Variants in SOX6 observed in about 807,000 individuals in gnomAD.
SOX6 encodes SRY-box transcription factor 6.
Under a neutral mutation model 97.8 loss-of-function variants are expected in SOX6, and 11 were observed. The observed-to-expected ratio is 0.11, with a 90% CI of 0.07 to 0.19. The LOEUF (loss-of-function observed/expected upper bound fraction) is 0.19, where lower values mean the gene tolerates loss of function less well. Among genes scored for constraint, SOX6 ranks in the 10% least tolerant of loss-of-function variants. The pLI is 1.00. For synonymous variants in SOX6, 360 were observed against 371.4 expected (o/e 0.97, Z 0.35); for missense variants, 810 against 1,039.5 (o/e 0.78, Z 3.04).
chr11:16,523,577 A>G (rs931372593), intron 4 of SOX6, among the ~76,000 whole-genome samples: 22 of 152,236 alleles, frequency 1.4e-4, no homozygotes, highest in Non-Finnish European at 2.5e-4. Flanking sequence ...AAAGAACTAG[A>G]AAAGCAAGAG....
intron 2 of SOX6, among the ~76,000 whole-genome samples, chr11:16,319,481 T>C (rs2134303700): frequency 6.6e-6 from 1 of 152,062 alleles, no homozygotes; most frequent in East Asian, 1.9e-4. Flanking sequence ...GTCATTTACA[T>C]TGGGTATATC....
At chr11:16,137,387 C>T (rs1374106885) in intron 6 of SOX6, among the ~76,000 whole-genome samples, 1 of 152,236 alleles carries the variant, frequency 6.6e-6, no homozygotes, top group Admixed American at 6.5e-5. Context: ...GATCACACCA[C>T]TGCACTCTAG....
Position 16,222,915 on chromosome 11 carries a change from AAT to A in SOX6, c.535+11665_535+11666del, listed in dbSNP as rs1324353129. Among the ~76,000 whole-genome samples, 10 of 152,206 alleles carry A rather than the reference AAT, an allele frequency of 6.6e-5. No homozygotes were observed. The East Asian group carries it at 1.9e-3, about 29-fold the overall frequency. ...TTTATTATTCAGTCTTTTTTAAAAT[AAT>A]ATTTTTTATTCAAAAAGCAATGCAT... is the stretch of plus-strand genomic sequence containing the variant. On this transcript the variant is annotated intron_variant, in intron 4 of 15. Coordinates refer to ENST00000683767, the MANE Select transcript of SOX6 (RefSeq NM_001367873.1).
At chr11:16,293,660 T>C (rs1438937237) in intron 3 of SOX6, among the ~76,000 whole-genome samples, 3 of 152,024 alleles carry the variant, frequency 2.0e-5, no homozygotes, top group Non-Finnish European at 4.4e-5. Flanking sequence ...AGTTAGAGAA[T>C]TGTATTACAA....
intron 9 of SOX6, among the ~76,000 whole-genome samples, chr11:16,066,411 AAAAG>A (rs1409984674): frequency 6.6e-6 from 1 of 152,174 alleles, no homozygotes; most frequent in Non-Finnish European, 1.5e-5. Context: ...GTATATGCCT[AAAAG>A]AAAGGAAATC....
At chr11:16,205,051 T>C (rs1198468812) in intron 4 of SOX6, among the ~76,000 whole-genome samples, 1 of 152,150 alleles carries the variant, frequency 6.6e-6, no homozygotes, top group Non-Finnish European at 1.5e-5. Flanking sequence ...AGAAGCAACA[T>C]TGGTTCTTAA....
chr11:16,349,185 A>G (rs1296889013), intron 1 of SOX6, among the ~76,000 whole-genome samples: 3 of 152,236 alleles, frequency 2.0e-5, no homozygotes, highest in African/African-American at 4.8e-5. Context: ...AAGTGATTTT[A>G]TTTCATAACT....
chr11:16,628,944 T>C (rs925662037), intron 3 of SOX6, among the ~76,000 whole-genome samples: 3 of 152,198 alleles, frequency 2.0e-5, no homozygotes, highest in Non-Finnish European at 4.4e-5. Flanking sequence ...TGTATGTTGA[T>C]TTTGTATCCT....
chr11:16,337,116 C>T (rs1042314256), intron 2 of SOX6, among the ~76,000 whole-genome samples: 6 of 152,070 alleles, frequency 3.9e-5, no homozygotes, highest in African/African-American at 1.4e-4. Context: ...CAAGTTAGTC[C>T]TTGTGCCTGG....
intron 1 of SOX6, among the ~76,000 whole-genome samples, chr11:16,737,700 G>A (rs1296422562): frequency 1.3e-5 from 2 of 152,034 alleles, no homozygotes; most frequent in Non-Finnish European, 1.5e-5. Flanking sequence ...TTGAGTAGAG[G>A]AGTGATCACT....
intron 6 of SOX6, among the ~76,000 whole-genome samples, chr11:16,146,418 A>T (rs1019707675): frequency 1.3e-5 from 2 of 152,322 alleles, no homozygotes; most frequent in East Asian, 1.9e-4. Flanking sequence ...AACCTAGGCA[A>T]TACCATTCAG....
chr11:16,639,365 T>C (rs1486195893), intron 3 of SOX6, among the ~76,000 whole-genome samples: 1 of 152,240 alleles, frequency 6.6e-6, no homozygotes, highest in Non-Finnish European at 1.5e-5. Flanking sequence ...TCTAGCTTTG[T>C]TCTTTTGGCT....
intron 9 of SOX6, among the ~76,000 whole-genome samples, chr11:16,061,708 G>A: frequency 6.6e-6 from 1 of 151,816 alleles, no homozygotes; most frequent in Non-Finnish European, 1.5e-5. Flanking sequence ...GTAGATCAAT[G>A]GAACAGAATA....
At chr11:16,055,635 G>C (rs1847795534) in intron 10 of SOX6, 117 bp downstream of exon 10, 2 of 1,188,448 alleles carry the variant, frequency 1.7e-6, no homozygotes, top group Non-Finnish European at 2.4e-6. Flanking sequence ...GGGACATTTT[G>C]GGGTTGCTTT....
chr11:16,273,816 T>C (rs1220544042), intron 3 of SOX6, among the ~76,000 whole-genome samples: 1 of 151,896 alleles, frequency 6.6e-6, no homozygotes, highest in Non-Finnish European at 1.5e-5. Context: ...TTCTTAACAA[T>C]GAAATTCTGC....
At chr11:16,392,932 T>G (rs913950807) in intron 1 of SOX6, among the ~76,000 whole-genome samples, 2 of 152,142 alleles carry the variant, frequency 1.3e-5, no homozygotes, top group Non-Finnish European at 2.9e-5. Context: ...TCATAAACTT[T>G]AATATTGAAA....
At position 16,300,081 on chromosome 11, in the gene SOX6, T is replaced by A. The variant is rs530604198; in HGVS notation, c.445+18365A>T. Among the ~76,000 whole-genome samples, 4 of 152,226 alleles carry A rather than the reference T, an allele frequency of 2.6e-5. No individual in the cohort carries two copies. In the South Asian group the frequency reaches 8.3e-4, roughly 32 times the overall value. On this transcript the variant is annotated intron_variant, in intron 3 of 15. Coordinates refer to ENST00000683767, the MANE Select transcript of SOX6 (RefSeq NM_001367873.1). This position sits in a 1 kb window ranked among gnomAD's most constrained non-coding sequence, Gnocchi z 4.1. Reference sequence around the variant, plus strand: ...CAGGGAGGAAGTGACATCTTCTAATTTCAGACAAAACATGGAGGTGAGGGC... The same window carrying A: ...CAGGGAGGAAGTGACATCTTCTAATATCAGACAAAACATGGAGGTGAGGGC...
intron 4 of SOX6, among the ~76,000 whole-genome samples, chr11:16,594,684 C>CTTTTTTTTTTTTTTTTTTTTTTTTTTTTT (rs10653599): frequency 5.9e-5 from 4 of 68,266 alleles, no homozygotes; most frequent in Non-Finnish European, 9.7e-5. Context: ...TCGGTTTTTG[C>CTTTTTTTTTTTTTTTTTTTTTTTTTTTTT]TTTTTTTTTT....
chr11:16,736,155 T>C (rs1848389890), intron 2 of SOX6, among the ~76,000 whole-genome samples: 1 of 152,202 alleles, frequency 6.6e-6, no homozygotes, highest in Admixed American at 6.5e-5. Context: ...ATTTATTAAC[T>C]ACCGTGTGGC....
Sources: gnomAD v4.1 joint callset for allele counts (sites outside exome capture counted in the v4.1 genomes callset) on GRCh38, gnomAD v4.1.1 for gene constraint, Gnocchi (gnomAD v3.1) non-coding constraint, MANE v1.5 for transcripts, NCBI Gene and HGNC (gene_info 2026-07-23, HGNC 2026-07-21) for gene names.